Variants in TRHDE observed in about 807,000 individuals in gnomAD.
TRHDE encodes the protein thyrotropin releasing hormone degrading enzyme.
TRHDE carries 72 observed loss-of-function variants against 125.7 expected under a neutral mutation model. The ratio of observed to expected loss-of-function variants is 0.57; its 90% CI spans 0.47 to 0.70. The LOEUF (loss-of-function observed/expected upper bound fraction) is 0.70, where lower values mean the gene tolerates loss of function less well. TRHDE is among the 30% of genes least tolerant of loss of function. TRHDE has a pLI of 0.00. For synonymous variants in TRHDE, 509 were observed against 509.1 expected, an observed-to-expected ratio of 1.00 and a Z score of 0.00; for missense variants, 1,110 against 1,327.1, an observed-to-expected ratio of 0.84 and a Z score of 2.54.
chr12:72,383,150 C>A (rs1872260839), intron 3 of TRHDE, among the ~76,000 whole-genome samples: 1 of 152,128 alleles, frequency 6.6e-6, no homozygotes, highest in African/African-American at 2.4e-5. Context: ...AGAGGTGTAG[C>A]ACCTACTTAA....
At chr12:72,392,815 G>C (rs1872657900) in intron 3 of TRHDE, among the ~76,000 whole-genome samples, 1 of 152,034 alleles carries the variant, frequency 6.6e-6, no homozygotes, top group Non-Finnish European at 1.5e-5. Context: ...CTACATTTTT[G>C]TACATGCTTG....
chr12:72,370,350 T>A (rs1871520697), intron 2 of TRHDE, among the ~76,000 whole-genome samples: 1 of 152,162 alleles, frequency 6.6e-6, no homozygotes. Context: ...ACTCATGTCC[T>A]TTTATTTGTT....
At chr12:72,401,538 T>C (rs931310290) in intron 3 of TRHDE, among the ~76,000 whole-genome samples, 1 of 152,174 alleles carries the variant, frequency 6.6e-6, no homozygotes, top group Admixed American at 6.5e-5. Context: ...AATTGACAAT[T>C]TAAAAATGTA....
intron 3 of TRHDE, among the ~76,000 whole-genome samples, chr12:72,421,021 T>G (rs1592432065): frequency 6.6e-6 from 1 of 151,664 alleles, no homozygotes; most frequent in South Asian, 2.1e-4. Context: ...CAGGCTGGAG[T>G]GCAGTGGCGC....
At chr12:72,354,684 AT>A in intron 2 of TRHDE, among the ~76,000 whole-genome samples, 1 of 148,708 alleles carries the variant, frequency 6.7e-6, no homozygotes, top group East Asian at 2.0e-4. Flanking sequence ...ATTTTAAAAT[AT>A]ATATGTAAAA....
At chr12:72,507,565 T>C (rs1878404115) in intron 6 of TRHDE, among the ~76,000 whole-genome samples, 1 of 152,192 alleles carries the variant, frequency 6.6e-6, no homozygotes, top group Admixed American at 6.6e-5. Context: ...TAGTGTGTTC[T>C]CATATGTGTG....
chr12:72,502,142 T>C lies in TRHDE; in HGVS notation c.1722+2507T>C, dbSNP rs550459120. ...CCTTTGTTGTAATTGATTTTCTCTC[T>C]TGTTTTCTATTTCATAGATATGCTC... On this transcript the variant is annotated intron_variant, in intron 6 of 18. Transcript: ENST00000261180. Among the ~76,000 whole-genome samples the C allele has an allele frequency of 2.0e-4, 31 of 152,208 alleles. No homozygotes were observed. In the South Asian group the frequency reaches 5.6e-3, roughly 27 times the overall value.
intron 2 of TRHDE, among the ~76,000 whole-genome samples, chr12:72,293,953 CT>C (rs1451888637): frequency 5.9e-5 from 9 of 152,192 alleles, no homozygotes; most frequent in African/African-American, 2.2e-4. Context: ...ATGCCAGCTG[CT>C]GCAGTGGGGC....
intron 2 of TRHDE, among the ~76,000 whole-genome samples, chr12:72,126,289 A>G (rs1875712047): frequency 1.3e-5 from 2 of 152,328 alleles, no homozygotes; most frequent in Admixed American, 6.5e-5. Context: ...TGCCCAAAGC[A>G]ATCTACAGAT....
At chr12:72,476,642 C>A (rs1008518554) in intron 5 of TRHDE, among the ~76,000 whole-genome samples, 2 of 152,200 alleles carry the variant, frequency 1.3e-5, no homozygotes, top group Non-Finnish European at 2.9e-5. Context: ...AAGTTGACCT[C>A]TTTTGCCATT....
chr12:72,291,994 T>G (rs898370120), intron 2 of TRHDE, among the ~76,000 whole-genome samples: 4 of 152,260 alleles, frequency 2.6e-5, no homozygotes, highest in Admixed American at 1.3e-4. Flanking sequence ...GGTACACTTA[T>G]GTTAAAAAAT....
At chr12:72,512,567 A>AATATATAATCATATAATAATC (rs1391302320) in intron 6 of TRHDE, among the ~76,000 whole-genome samples, 1 of 140,492 alleles carries the variant, frequency 7.1e-6, no homozygotes, top group Non-Finnish European at 1.5e-5. Context: ...TATATAATAT[A>AATATATAATCATATAATAATC]ATATATAATC....
At chr12:72,176,568 A>G (rs1391600718) in intron 2 of TRHDE, among the ~76,000 whole-genome samples, 1 of 152,174 alleles carries the variant, frequency 6.6e-6, no homozygotes, top group Non-Finnish European at 1.5e-5. Flanking sequence ...GTTAGTTAAA[A>G]CTAATTGAGT....
intron 3 of TRHDE, among the ~76,000 whole-genome samples, chr12:72,455,901 T>G (rs1875819698): frequency 6.6e-6 from 1 of 152,004 alleles, no homozygotes; most frequent in South Asian, 2.1e-4. Flanking sequence ...AGGAGTCTAC[T>G]TTCAGTATGA....
intron 2 of TRHDE, among the ~76,000 whole-genome samples, chr12:72,184,876 G>T (rs1877169264): frequency 6.6e-6 from 1 of 152,198 alleles, no homozygotes. Context: ...ACAGCGTGCT[G>T]GCAGTCCTCA....
intron 2 of TRHDE, among the ~76,000 whole-genome samples, chr12:72,245,937 T>C (rs1878568082): frequency 6.6e-6 from 1 of 152,174 alleles, no homozygotes; most frequent in South Asian, 2.1e-4. Flanking sequence ...TTGATCTATC[T>C]TGTTATTCTA....
At chr12:72,660,433 T>C (rs1417197020) in intron 18 of TRHDE, among the ~76,000 whole-genome samples, 1 of 152,066 alleles carries the variant, frequency 6.6e-6, no homozygotes, top group Non-Finnish European at 1.5e-5. Flanking sequence ...GACTCCCTTT[T>C]GCAGTCTGAT....
chr12:72,588,084 A>G (rs1871519291), intron 12 of TRHDE, among the ~76,000 whole-genome samples: 1 of 152,200 alleles, frequency 6.6e-6, no homozygotes, highest in African/African-American at 2.4e-5. Context: ...GACAAAATAA[A>G]GATCGTAAGA....
intron 6 of TRHDE, among the ~76,000 whole-genome samples, chr12:72,511,572 G>A (rs1395253045): frequency 6.6e-6 from 1 of 151,992 alleles, no homozygotes; most frequent in Non-Finnish European, 1.5e-5. Context: ...ATACCTATTT[G>A]CCTTCATAAA....
Sources: allele counts gnomAD v4.1 joint callset (sites outside exome capture counted in the v4.1 genomes callset), GRCh38; gene constraint gnomAD v4.1.1; transcripts MANE v1.5; gene names NCBI Gene and HGNC (gene_info 2026-07-23, HGNC 2026-07-21).